FARS2: variants seen among roughly 807,000 people sequenced by gnomAD.
The protein encoded by FARS2 is phenylalanyl-tRNA synthetase 2, mitochondrial.
Under a neutral mutation model 46.4 loss-of-function variants are expected in FARS2, and 40 were observed. That is an observed-to-expected ratio of 0.86 (90% CI 0.67 to 1.12). FARS2 has a LOEUF of 1.12. Ranked by LOEUF, FARS2 falls within the 50% of genes most tolerant of loss-of-function variation. The pLI is 0.00. For missense variants in FARS2, 513 were observed against 567.9 expected (o/e 0.90, Z 0.98); for synonymous variants, 234 against 214.9 (o/e 1.09, Z -0.78).
chr6:5,425,209 G>A (rs570287979), intron 3 of FARS2, among the ~76,000 whole-genome samples: 43 of 151,958 alleles, frequency 2.8e-4, no homozygotes, highest in South Asian at 1.0e-3. Flanking sequence ...GGTACCCCTG[G>A]TTTGGTGTAG....
intron 6 of FARS2, among the ~76,000 whole-genome samples, chr6:5,659,636 A>G (rs1239402719): frequency 6.6e-6 from 1 of 152,184 alleles, no homozygotes. Flanking sequence ...TCATTCATCA[A>G]AAACCACTTA....
chr6:5,630,068 T>C lies in FARS2; in HGVS notation c.1217+16748T>C, dbSNP rs1446416421. On this transcript the variant is annotated intron_variant, in intron 6 of 6. Coordinates refer to ENST00000274680, the MANE Select transcript of FARS2 (RefSeq NM_006567.5). The surrounding 1 kb of genome is among the most constrained non-coding windows in gnomAD (Gnocchi z 4.2). ...AGAGCTCAGCAGAGAGAGGCCAGGA[T>C]TGGAACGTGTACTACTCTTGACCAC... 6.6e-6 allele frequency among the ~76,000 whole-genome samples: 1 copy of C among 152,016 alleles called. No homozygotes were observed. The highest frequency in any genetic ancestry group is 1.5e-5 in the Non-Finnish European group (1 of 67,994).
intron 2 of FARS2, among the ~76,000 whole-genome samples, chr6:5,380,624 CGCATAG>C (rs952938481): frequency 3.9e-5 from 6 of 152,132 alleles, no homozygotes; most frequent in Non-Finnish European, 5.9e-5. Flanking sequence ...CGGTGCCACT[CGCATAG>C]TGTTGAATTA....
chr6:5,509,149 A>G (rs965777766), intron 4 of FARS2, among the ~76,000 whole-genome samples: 1 of 152,240 alleles, frequency 6.6e-6, no homozygotes, highest in Non-Finnish European at 1.5e-5. Flanking sequence ...ACCTTAGAGA[A>G]TAGACGTAGA....
chr6:5,471,423 T>C lies in FARS2; in HGVS notation c.904+40251T>C, dbSNP rs190814359. ...TTCTTGCTCTGGCTAATATCCCAAC[T>C]AGCCCTTCATTTACGAAGAACCAAA... On this transcript the variant is annotated intron_variant, in intron 4 of 6. Coordinates refer to ENST00000274680, the MANE Select transcript of FARS2 (RefSeq NM_006567.5). The surrounding 1 kb of genome is among the most constrained non-coding windows in gnomAD (Gnocchi z 4.1). Among the ~76,000 whole-genome samples, 39 of 152,362 alleles carry C rather than the reference T, an allele frequency of 2.6e-4. No individual in the cohort carries two copies. In the East Asian group the frequency reaches 6.9e-3, roughly 27 times the overall value.
intron 6 of FARS2, among the ~76,000 whole-genome samples, chr6:5,647,073 G>A (rs1355820632): frequency 6.6e-6 from 1 of 152,154 alleles, no homozygotes; most frequent in Non-Finnish European, 1.5e-5. Flanking sequence ...TGGCCCAAAT[G>A]TATTTTTGGT....
At chr6:5,601,810 A>G in intron 5 of FARS2, among the ~76,000 whole-genome samples, 1 of 152,152 alleles carries the variant, frequency 6.6e-6, no homozygotes, top group East Asian at 1.9e-4. Context: ...ACAAACGGTG[A>G]CCATTGGTAA....
intron 5 of FARS2, among the ~76,000 whole-genome samples, chr6:5,568,611 A>T (rs1020506261): frequency 2.0e-5 from 3 of 152,192 alleles, no homozygotes. Flanking sequence ...GGCGTGAGAC[A>T]GCCATAGTCT....
chr6:5,746,279 T>C (rs1031656380), intron 6 of FARS2, among the ~76,000 whole-genome samples: 2 of 152,064 alleles, frequency 1.3e-5, no homozygotes, highest in Admixed American at 1.3e-4. Context: ...ACGTGGTCCT[T>C]AGATGGTGCG....
At chr6:5,316,648 A>G (rs1769536930) in intron 1 of FARS2, among the ~76,000 whole-genome samples, 1 of 152,190 alleles carries the variant, frequency 6.6e-6, no homozygotes, top group African/African-American at 2.4e-5. Flanking sequence ...GGGGCCCAGC[A>G]TGCACTGGCT....
At chr6:5,279,622 G>A (rs1766589570) in intron 1 of FARS2, among the ~76,000 whole-genome samples, 1 of 150,940 alleles carries the variant, frequency 6.6e-6, no homozygotes, top group East Asian at 1.9e-4. Context: ...GACGAGATCT[G>A]TAGTTGGCAA....
Position 5,341,257 on chromosome 6 carries a change from T to TTCC in FARS2, c.-21-27293_-21-27292insTCC, listed in dbSNP as rs552538194. On this transcript the variant is annotated intron_variant, in intron 1 of 6. Transcript: ENST00000274680. The stretch of plus-strand genomic sequence containing the variant: ...TATATTTTTTTTTTTTTTTTTTTTT[T>TTCC]CCCTGTGAGAGCAGTTGTTTTGAGA... Among the ~76,000 whole-genome samples, 3 of 56,698 alleles carry TTCC rather than the reference T, an allele frequency of 5.3e-5. 1 individual carries two copies. The highest frequency in any genetic ancestry group is 2.3e-4 in the African/African-American group (3 of 13,174). 37.2% of individuals were successfully genotyped at this position (56,698 alleles called of 152,430 possible).
chr6:5,603,959 A>G (rs938725519), intron 5 of FARS2, among the ~76,000 whole-genome samples: 2 of 152,150 alleles, frequency 1.3e-5, no homozygotes, highest in African/African-American at 4.8e-5. Flanking sequence ...TTTATATTCT[A>G]TGGTACCATT....
intron 4 of FARS2, among the ~76,000 whole-genome samples, chr6:5,531,716 G>A (rs1489615512): frequency 6.6e-6 from 1 of 152,142 alleles, no homozygotes; most frequent in Non-Finnish European, 1.5e-5. Context: ...TTGATCTTTG[G>A]GCAGAGCTTG....
rs114900709 is a variant in FARS2 at position 5,519,172 on chromosome 6, G to A, written c.905-26008G>A. ...TCTAACCCTGAGTATATGAGCTGTG[G>A]TTTGTCTGTGCAAACCCAAAGGAAG... On this transcript the variant is annotated intron_variant, in intron 4 of 6. Coordinates refer to ENST00000274680, the MANE Select transcript of FARS2 (RefSeq NM_006567.5). Among the ~76,000 whole-genome samples, 386 of 152,308 alleles carry A rather than the reference G, an allele frequency of 2.5e-3. 2 individuals are homozygous for A. The highest frequency in any genetic ancestry group is 8.6e-3 in the African/African-American group (358 of 41,574).
chr6:5,677,261 G>T (rs1333889108), intron 6 of FARS2, among the ~76,000 whole-genome samples: 1 of 152,100 alleles, frequency 6.6e-6, no homozygotes, highest in Non-Finnish European at 1.5e-5. Context: ...TAATTAAAAA[G>T]GCCTGGTCTG....
In FARS2 at chr6:5,399,241, G is replaced by A. The variant is rs150934904; in HGVS notation, c.613-5301G>A. 5.3e-3 allele frequency among the ~76,000 whole-genome samples: 806 copies of A among 150,824 alleles called. 4 individuals are homozygous for A. Among genetic ancestry groups the A allele is most frequent in the African/African-American group, 0.018 (745 of 41,136 alleles). On this transcript the variant is annotated intron_variant, in intron 2 of 6. Transcript: ENST00000274680. ...CCAGGCTAGAGTACAGTGGCATGAT[G>A]TAGGCGCACTGCAATTCCTGCCTCC... is the stretch of plus-strand genomic sequence containing the variant.
chr6:5,466,353 G>A (rs1366244459), intron 4 of FARS2, among the ~76,000 whole-genome samples: 2 of 151,934 alleles, frequency 1.3e-5, no homozygotes, highest in East Asian at 3.9e-4. Context: ...ACCTCTCTCC[G>A]GTGCCATTGT....
intron 1 of FARS2, among the ~76,000 whole-genome samples, chr6:5,273,285 A>G (rs1350388491): frequency 6.6e-6 from 1 of 152,228 alleles, no homozygotes; most frequent in African/African-American, 2.4e-5. Context: ...TATTTCCACC[A>G]ACAGTTTACA....
Sources: allele counts gnomAD v4.1 joint callset (sites outside exome capture counted in the v4.1 genomes callset), GRCh38; gene constraint gnomAD v4.1.1; non-coding constraint Gnocchi (gnomAD v3.1); transcripts MANE v1.5; gene names NCBI Gene and HGNC (gene_info 2026-07-23, HGNC 2026-07-21).